CSMD1: variants seen among roughly 807,000 people sequenced by gnomAD.
CSMD1 encodes CUB and Sushi multiple domains 1, also known as CUB and sushi domain-containing protein 1.
CSMD1 carries 213 observed loss-of-function variants against 417.5 expected under a neutral mutation model. The ratio of observed to expected loss-of-function variants is 0.51; its 90% CI spans 0.46 to 0.57. The LOEUF (loss-of-function observed/expected upper bound fraction) is 0.57, where lower values mean the gene tolerates loss of function less well. Ranked by LOEUF, CSMD1 falls within the 20% of genes least tolerant of loss-of-function variation. The probability of loss-of-function intolerance (pLI) is 0.00; values close to 1 mark genes in which losing one functional copy is unlikely to be tolerated. For missense variants in CSMD1, 6,923 were observed against 4,529.7 expected (o/e 1.53, Z -15.17); for synonymous variants, 2,862 against 1,736.8 (o/e 1.65, Z -16.11).
At chr8:4,216,591 G>A (rs1029818467) in intron 3 of CSMD1, among the ~76,000 whole-genome samples, 3 of 152,170 alleles carry the variant, frequency 2.0e-5, no homozygotes, top group Non-Finnish European at 4.4e-5. Flanking sequence ...CCCTCCAGAT[G>A]GAAGGTGCTG....
chr8:4,907,391 C>G (rs562496816), intron 1 of CSMD1, among the ~76,000 whole-genome samples: 2 of 152,288 alleles, frequency 1.3e-5, no homozygotes, highest in South Asian at 4.1e-4. Flanking sequence ...GTTAAAATCC[C>G]TCAAGTATGA....
At chr8:3,617,938 T>C (rs1269118076) in intron 7 of CSMD1, among the ~76,000 whole-genome samples, 3 of 152,210 alleles carry the variant, frequency 2.0e-5, no homozygotes, top group Non-Finnish European at 2.9e-5. Flanking sequence ...TCTGGGTATA[T>C]GTGGAACTCG....
At chr8:4,533,075 A>C (rs187679595) in intron 2 of CSMD1, among the ~76,000 whole-genome samples, 1 of 152,322 alleles carries the variant, frequency 6.6e-6, no homozygotes, top group East Asian at 1.9e-4. Flanking sequence ...TCTGCGTCAA[A>C]AGATTTTTTG....
At chr8:4,336,397 G>T (rs978137752) in intron 3 of CSMD1, among the ~76,000 whole-genome samples, 1 of 152,124 alleles carries the variant, frequency 6.6e-6, no homozygotes, top group African/African-American at 2.4e-5. Flanking sequence ...GTGACCCATG[G>T]CCACTCCTGA....
At chr8:3,392,206 T>A (rs988442963) in intron 17 of CSMD1, among the ~76,000 whole-genome samples, 1 of 151,932 alleles carries the variant, frequency 6.6e-6, no homozygotes, top group Admixed American at 6.6e-5. Context: ...TGTATACATA[T>A]GTAACTAACC....
intron 3 of CSMD1, among the ~76,000 whole-genome samples, chr8:4,308,809 C>A (rs899317937): frequency 6.6e-6 from 1 of 152,126 alleles, no homozygotes; most frequent in South Asian, 2.1e-4. Context: ...AGTTATTATG[C>A]TATTGTTTCC....
chr8:3,978,178 G>C (rs962246665), intron 5 of CSMD1, among the ~76,000 whole-genome samples: 1 of 152,282 alleles, frequency 6.6e-6, no homozygotes, highest in African/African-American at 2.4e-5. Context: ...CAGCCTGTCT[G>C]CAGGACTCCT....
intron 52 of CSMD1, among the ~76,000 whole-genome samples, chr8:3,017,539 A>G (rs1171658716): frequency 6.6e-6 from 1 of 152,012 alleles, no homozygotes; most frequent in Non-Finnish European, 1.5e-5. Flanking sequence ...AGTGTGAGAA[A>G]CCAAGCAGCA....
intron 5 of CSMD1, among the ~76,000 whole-genome samples, chr8:3,963,324 G>A (rs1053725605): frequency 3.9e-5 from 6 of 152,130 alleles, no homozygotes; most frequent in Admixed American, 1.3e-4. Flanking sequence ...ACCCAGATAA[G>A]CCAATTAAAT....
intron 2 of CSMD1, among the ~76,000 whole-genome samples, chr8:4,598,362 T>C (rs1037878485): frequency 3.3e-5 from 5 of 152,200 alleles, no homozygotes; most frequent in African/African-American, 1.2e-4. Flanking sequence ...GGTTAGGGGC[T>C]GGTGCCTAGA....
chr8:3,695,216 G>C (rs905484109), intron 7 of CSMD1, among the ~76,000 whole-genome samples: 2 of 152,000 alleles, frequency 1.3e-5, no homozygotes, highest in Middle Eastern at 3.4e-3. Flanking sequence ...TTATCTTATA[G>C]ATGCAATAAA....
chr8:4,278,467 A>G (rs1466123103), intron 3 of CSMD1, among the ~76,000 whole-genome samples: 1 of 152,250 alleles, frequency 6.6e-6, no homozygotes, highest in Non-Finnish European at 1.5e-5. Flanking sequence ...TAATTTTTTA[A>G]CATGAAAGCA....
At chr8:4,933,896 G>A (rs1331595801) in intron 1 of CSMD1, among the ~76,000 whole-genome samples, 2 of 152,070 alleles carry the variant, frequency 1.3e-5, no homozygotes, top group East Asian at 1.9e-4. Context: ...TTCAAGTAGG[G>A]TTTTCATTTG....
chr8:3,454,716 C>A (rs188411171), intron 12 of CSMD1, among the ~76,000 whole-genome samples: 12 of 152,266 alleles, frequency 7.9e-5, no homozygotes, highest in East Asian at 3.9e-4. Flanking sequence ...TTGTGGGTAA[C>A]CCGACCTTTC....
chr8:3,360,392 G>A (rs1323609563), intron 20 of CSMD1, among the ~76,000 whole-genome samples: 1 of 152,142 alleles, frequency 6.6e-6, no homozygotes, highest in Non-Finnish European at 1.5e-5. Flanking sequence ...ATTGAGCTCT[G>A]GCTGTCACCA....
chr8:4,876,566 A>G (rs1158562783), intron 1 of CSMD1, among the ~76,000 whole-genome samples: 3 of 152,154 alleles, frequency 2.0e-5, no homozygotes, highest in Non-Finnish European at 4.4e-5. Context: ...TTTTCACCGT[A>G]CAAGGATGCT....
chr8:4,539,896 G>T (rs934416648), intron 2 of CSMD1, among the ~76,000 whole-genome samples: 3 of 152,018 alleles, frequency 2.0e-5, no homozygotes, highest in Non-Finnish European at 4.4e-5. Flanking sequence ...AGAGAGGTTG[G>T]GTGTGCGGAA....
chr8:4,352,628 C>G (rs1584943928), intron 3 of CSMD1, among the ~76,000 whole-genome samples: 1 of 152,180 alleles, frequency 6.6e-6, no homozygotes. Context: ...CCGAGTGACA[C>G]CGAGGAGCTT....
intron 7 of CSMD1, among the ~76,000 whole-genome samples, chr8:3,674,935 C>A (rs529478966): frequency 6.6e-6 from 1 of 152,160 alleles, no homozygotes; most frequent in Admixed American, 6.5e-5. Context: ...CACGTCACCC[C>A]CTAAGCCTCT....
Sources: allele counts gnomAD v4.1 joint callset (sites outside exome capture counted in the v4.1 genomes callset), GRCh38; gene constraint gnomAD v4.1.1; transcripts MANE v1.5; gene names NCBI Gene and HGNC (gene_info 2026-07-23, HGNC 2026-07-21).